The following PXN variants were observed in gnomAD, a reference collection of about 807,000 sequenced individuals.
PXN encodes paxillin, also known as testicular tissue protein Li 134.
A neutral mutation model predicts 103.6 loss-of-function variants in PXN; 61 were observed. The observed-to-expected ratio is 0.59, with a 90% CI of 0.48 to 0.73. The LOEUF is 0.73. PXN is among the 30% of genes least tolerant of loss of function. PXN has a pLI of 0.00. For synonymous variants in PXN, 562 were observed against 607.8 expected (o/e 0.92, Z 1.11); for missense variants, 1,274 against 1,460.3 (o/e 0.87, Z 2.08).
At chr12:120,257,114 G>A (rs1893136579) in intron 1 of PXN, among the ~76,000 whole-genome samples, 1 of 152,162 alleles carries the variant, frequency 6.6e-6, no homozygotes, top group Admixed American at 6.6e-5. Flanking sequence ...GAATCGGCCT[G>A]AAGCTCCCTG....
At position 120,214,036 on chromosome 12, in the gene PXN, A is replaced by T; in HGVS notation, c.2831-46T>A. 1 of 1,598,536 alleles carries T rather than the reference A, an allele frequency of 6.3e-7. No homozygotes were observed. Among genetic ancestry groups the T allele is most frequent in the Non-Finnish European group, 8.5e-7 (1 of 1,173,296 alleles). On this transcript the variant is annotated intron_variant, in intron 13 of 14. Coordinates refer to ENST00000637617, the MANE Select transcript of PXN (RefSeq NM_001385981.1). The surrounding 1 kb of genome is among the most constrained non-coding windows in gnomAD (Gnocchi z 5.0). ...AGGCACAGTTCATTCCGGCTTCCAG[A>T]AGTGGAGCCACTCTGACTCCAACCT... is the stretch of plus-strand genomic sequence containing the variant.
chr12:120,240,629 G>A (rs1889978109), intron 1 of PXN, among the ~76,000 whole-genome samples: 1 of 152,202 alleles, frequency 6.6e-6, no homozygotes, highest in Non-Finnish European at 1.5e-5. Flanking sequence ...CAGTGCACAA[G>A]CCAACAGGAA....
intron 1 of PXN, among the ~76,000 whole-genome samples, chr12:120,250,625 A>G (rs1594509900): frequency 1.3e-5 from 2 of 152,268 alleles, no homozygotes; most frequent in Non-Finnish European, 2.9e-5. Flanking sequence ...CCACTTCCTC[A>G]TGAAAGCCAC....
At position 120,213,792 on chromosome 12, in the gene PXN, T is replaced by C; in HGVS notation, c.2979+50A>G. 3 of 1,576,036 alleles carry C rather than the reference T, an allele frequency of 1.9e-6. No homozygotes were observed. The highest frequency in any genetic ancestry group is 3.5e-4 in the Middle Eastern group (2 of 5,742). ...CAGCACAATGAGGAAGACCCCTCTC[T>C]CCCCACTGCCTGCTCCTCGCCCCTC... is the stretch of plus-strand genomic sequence containing the variant. On this transcript the variant is annotated intron_variant, in intron 14 of 14. Coordinates refer to ENST00000637617, the MANE Select transcript of PXN (RefSeq NM_001385981.1). The surrounding 1 kb of genome is among the most constrained non-coding windows in gnomAD (Gnocchi z 4.2).
rs976118493 is a variant in PXN at position 120,229,257 on chromosome 12, G to A, written c.14-4880C>T. Among the ~76,000 whole-genome samples, 18 of 152,014 alleles carry A rather than the reference G, an allele frequency of 1.2e-4. No individual in the cohort carries two copies. The highest frequency in any genetic ancestry group is 1.7e-4 in the African/African-American group (7 of 41,368). ...TAAAGAGAATCAATTAAAACCTTCC[G>A]CCCCCACCCCCGACTGCAGCACAGA... is the stretch of plus-strand genomic sequence containing the variant. On this transcript the variant is annotated intron_variant, in intron 1 of 14. Transcript: ENST00000637617. The surrounding 1 kb of genome is among the most constrained non-coding windows in gnomAD (Gnocchi z 4.0).
chr12:120,213,913 C>G lies in PXN; in HGVS notation c.2908G>C (p.Ala970Pro). The G allele has an allele frequency of 1.2e-6, 2 of 1,611,042 alleles. No homozygotes were observed. The highest frequency in any genetic ancestry group is 2.2e-5 in the South Asian group (2 of 90,354). Residue 970 changes from alanine (A) to proline (P), a missense_variant, in exon 14 of 15, where the codon GCC becomes CCC. This residue lies in a region of PXN where 1,178 missense variants were observed against 1,309.0 expected (regional missense o/e 0.90). Coordinates refer to ENST00000637617, the MANE Select transcript of PXN (RefSeq NM_001385981.1). The surrounding 1 kb of genome is among the most constrained non-coding windows in gnomAD (Gnocchi z 4.2). ...DMFAPKCGGC[A>P]RAILENYISA... ...ATATAGTTCTCCAGGATGGCCCGGG[C>G]GCAGCCGCCACACTTGGGTGCGAAC... is the stretch of plus-strand genomic sequence containing the variant.
intron 1 of PXN, among the ~76,000 whole-genome samples, chr12:120,261,340 G>A (rs1230766771): frequency 6.6e-6 from 1 of 152,064 alleles, no homozygotes; most frequent in Non-Finnish European, 1.5e-5. Context: ...ACAGGCACGC[G>A]CCACCACGCC....
intron 1 of PXN, among the ~76,000 whole-genome samples, chr12:120,262,629 GA>G (rs1344284561): frequency 6.6e-6 from 1 of 152,170 alleles, no homozygotes; most frequent in Non-Finnish European, 1.5e-5. Flanking sequence ...TGTCTCCCAT[GA>G]AGCGCACATG....
chr12:120,215,990 G>T lies in PXN; in HGVS notation c.2301+283C>A. On this transcript the variant is annotated intron_variant, in intron 9 of 14. Coordinates refer to ENST00000637617, the MANE Select transcript of PXN (RefSeq NM_001385981.1). The surrounding 1 kb of genome is among the most constrained non-coding windows in gnomAD (Gnocchi z 4.9). ...AGGTTTCTGGTCTCCCTTCTGGAGT[G>T]GCTTCTTTCCTCGATGGGAGCCCGG... 1 of 1,366,078 alleles carries T rather than the reference G, an allele frequency of 7.3e-7. No homozygotes were observed. Among genetic ancestry groups the T allele is most frequent in the Non-Finnish European group, 9.4e-7 (1 of 1,060,286 alleles). 84.6% of individuals were successfully genotyped at this position (1,366,078 alleles called of 1,614,324 possible). A position where few individuals can be genotyped will look rare whatever the true frequency, so the allele number is the denominator to read the frequency against.
At chr12:120,263,248 G>A (rs1351974089) in intron 1 of PXN, among the ~76,000 whole-genome samples, 1 of 152,170 alleles carries the variant, frequency 6.6e-6, no homozygotes, top group East Asian at 1.9e-4. Context: ...GACAGCTGAC[G>A]GGGCCCCAGT....
At chr12:120,239,173 G>A (rs1566417156) in intron 1 of PXN, among the ~76,000 whole-genome samples, 1 of 152,234 alleles carries the variant, frequency 6.6e-6, no homozygotes, top group Non-Finnish European at 1.5e-5. Context: ...TCTGCTGGGT[G>A]TGGTGGATCA....
rs1251148037 is a variant in PXN, at chr12:120,229,675, A to G, written c.14-5298T>C. Among the ~76,000 whole-genome samples the G allele has an allele frequency of 1.3e-5, 2 of 152,228 alleles. No homozygotes were observed. The highest frequency in any genetic ancestry group is 2.9e-5 in the Non-Finnish European group (2 of 68,034). On this transcript the variant is annotated intron_variant, in intron 1 of 14. Coordinates refer to ENST00000637617, the MANE Select transcript of PXN (RefSeq NM_001385981.1). The surrounding 1 kb of genome is among the most constrained non-coding windows in gnomAD (Gnocchi z 4.0). ...CAGTGCCTGGAATACAGCACACAGG[A>G]AATGGGAGTTGCTAAATAGATTACA... is the stretch of plus-strand genomic sequence containing the variant.
Position 120,224,845 on chromosome 12 carries a change from G to A in PXN, c.14-468C>T, listed in dbSNP as rs1175293104. On this transcript the variant is annotated intron_variant, in intron 1 of 14. Transcript: ENST00000637617. This position sits in a 1 kb window ranked among gnomAD's most constrained non-coding sequence, Gnocchi z 5.0. ...CTTAGGCTTTCCCAGCCCCCGACTG[G>A]AAGGGGCACTCAGGATGGTCCCTGC... 4.8e-6 allele frequency: 2 copies of A among 420,486 alleles called. No homozygotes were observed. The highest frequency in any genetic ancestry group is 1.4e-4 in the East Asian group (2 of 13,956). 26.0% of individuals were successfully genotyped at this position (420,486 alleles called of 1,614,324 possible).
intron 1 of PXN, chr12:120,248,763 T>A (rs1891647936): frequency 6.6e-6 from 1 of 152,180 alleles, no homozygotes; most frequent in African/African-American, 2.4e-5. Flanking sequence ...TTCAGAGGGC[T>A]GTTGTGAGGA....
rs1894528216 is a variant in PXN, at chr12:120,265,327, C to T, written c.13+290G>A. On this transcript the variant is annotated intron_variant, in intron 1 of 14. Coordinates refer to ENST00000637617, the MANE Select transcript of PXN (RefSeq NM_001385981.1). The surrounding 1 kb of genome is among the most constrained non-coding windows in gnomAD (Gnocchi z 5.7). ...TGGGTCCCTGAGGGGCGGGCTGGTC[C>T]CTGGGGCCCTTCTGGGAGATGGTGA... is the stretch of plus-strand genomic sequence containing the variant. 6.6e-6 allele frequency among the ~76,000 whole-genome samples: 1 copy of T among 152,100 alleles called. No individual in the cohort carries two copies. The highest frequency in any genetic ancestry group is 2.4e-5 in the African/African-American group (1 of 41,422).
intron 3 of PXN, among the ~76,000 whole-genome samples, chr12:120,223,331 G>GTA (rs1885800317): frequency 6.6e-6 from 1 of 152,142 alleles, no homozygotes; most frequent in Admixed American, 6.6e-5. Context: ...CTACTTGGGA[G>GTA]GCTGAGGCAG....
At chr12:120,248,529 C>CAT (rs1457699870) in intron 1 of PXN, among the ~76,000 whole-genome samples, 3 of 150,750 alleles carry the variant, frequency 2.0e-5, no homozygotes, top group African/African-American at 4.9e-5. Flanking sequence ...CACACACACA[C>CAT]ACACACACAC....
rs145532426 is a variant in PXN at position 120,252,320 on chromosome 12, G to A, written c.13+13297C>T. Among the ~76,000 whole-genome samples the A allele has an allele frequency of 2.4e-3, 373 of 152,254 alleles. 1 individual carries two copies. Among genetic ancestry groups the A allele is most frequent in the African/African-American group, 8.3e-3 (345 of 41,556 alleles). Reference sequence around the variant, plus strand: ...AAATCCCTGTCTTCAAAGAGCTTACGGGGCAGAGCGGGAGACAGAAGAAAG... The same window carrying A: ...AAATCCCTGTCTTCAAAGAGCTTACAGGGCAGAGCGGGAGACAGAAGAAAG... On this transcript the variant is annotated intron_variant, in intron 1 of 14. Coordinates refer to ENST00000637617, the MANE Select transcript of PXN (RefSeq NM_001385981.1).
At chr12:120,244,117 G>A (rs530017291) in intron 1 of PXN, among the ~76,000 whole-genome samples, 3 of 150,304 alleles carry the variant, frequency 2.0e-5, no homozygotes, top group South Asian at 4.3e-4. Flanking sequence ...CAGGAGCACA[G>A]GGCCCAAGTT....
Sources: allele counts gnomAD v4.1 joint callset (sites outside exome capture counted in the v4.1 genomes callset), GRCh38; gene constraint gnomAD v4.1.1; regional missense constraint gnomAD v4.1.1; non-coding constraint Gnocchi (gnomAD v3.1); transcripts MANE v1.5; gene names NCBI Gene and HGNC (gene_info 2026-07-23, HGNC 2026-07-21).